The following HIVEP3 variants were observed in gnomAD, a reference collection of about 807,000 sequenced individuals.
The protein encoded by HIVEP3 is HIVEP zinc finger 3.
In HIVEP3, 49 loss-of-function variants were observed where a neutral mutation model predicts 152.8. The observed-to-expected ratio is 0.32, with a 90% CI of 0.26 to 0.41. The LOEUF (loss-of-function observed/expected upper bound fraction) is 0.41, where lower values mean the gene tolerates loss of function less well. Among genes scored for constraint, HIVEP3 ranks in the 10% least tolerant of loss-of-function variants. The probability of loss-of-function intolerance (pLI) is 1.00; values close to 1 mark genes in which losing one functional copy is unlikely to be tolerated. For missense variants in HIVEP3, 2,790 were observed against 3,103.3 expected, an observed-to-expected ratio of 0.90 and a Z score of 2.40; for synonymous variants, 1,269 against 1,289.0, an observed-to-expected ratio of 0.98 and a Z score of 0.33.
At chr1:41,622,392 TG>T (rs1176998976) in intron 3 of HIVEP3, among the ~76,000 whole-genome samples, 1 of 150,340 alleles carries the variant, frequency 6.7e-6, no homozygotes, top group Admixed American at 6.6e-5. Flanking sequence ...AGAGCAGGGG[TG>T]GGGGAGGAAG....
At chr1:41,606,333 T>A (rs962824770) in intron 3 of HIVEP3, among the ~76,000 whole-genome samples, 2 of 152,012 alleles carry the variant, frequency 1.3e-5, no homozygotes, top group African/African-American at 4.9e-5. Flanking sequence ...CCACATTCTC[T>A]ACTTTCCACT....
intron 1 of HIVEP3, among the ~76,000 whole-genome samples, chr1:41,829,972 C>T (rs1642914934): frequency 6.6e-6 from 1 of 152,152 alleles, no homozygotes; most frequent in Non-Finnish European, 1.5e-5. Flanking sequence ...CTTCATTTTC[C>T]CAGAAAAAGC....
chr1:41,787,636 C>T (rs183231338), intron 1 of HIVEP3, among the ~76,000 whole-genome samples: 2 of 151,010 alleles, frequency 1.3e-5, no homozygotes, highest in Admixed American at 6.6e-5. Flanking sequence ...TGAGCTCCAG[C>T]GATCCTCCCA....
chr1:41,700,616 G>C (rs892860268), intron 2 of HIVEP3, among the ~76,000 whole-genome samples: 9 of 152,298 alleles, frequency 5.9e-5, no homozygotes, highest in Admixed American at 5.9e-4. Context: ...ACCCAGAAAG[G>C]AGATGCTTGC....
chr1:41,719,970 C>A (rs1209667323), intron 1 of HIVEP3, among the ~76,000 whole-genome samples: 1 of 152,224 alleles, frequency 6.6e-6, no homozygotes, highest in African/African-American at 2.4e-5. Flanking sequence ...AGGCCAAGAA[C>A]AGAAGCTAAG....
chr1:41,544,831 T>TACCACCACCACCACCAC (rs1643656686), intron 5 of HIVEP3, among the ~76,000 whole-genome samples: 6 of 10,170 alleles, frequency 5.9e-4, no homozygotes, highest in African/African-American at 8.4e-4. Flanking sequence ...ACCACCACCA[T>TACCACCACCACCACCAC]CACCACCACC....
intron 1 of HIVEP3, among the ~76,000 whole-genome samples, chr1:41,885,745 C>T (rs1462497835): frequency 7.1e-6 from 1 of 140,672 alleles, no homozygotes; most frequent in Non-Finnish European, 1.5e-5. Context: ...CTTCCCCTTT[C>T]CCTTCCCCCT....
intron 1 of HIVEP3, among the ~76,000 whole-genome samples, chr1:41,869,241 T>C (rs1329312242): frequency 6.6e-6 from 1 of 151,460 alleles, no homozygotes; most frequent in Non-Finnish European, 1.5e-5. Flanking sequence ...CTTAAGGAGG[T>C]CACCCCCTCA....
intron 1 of HIVEP3, among the ~76,000 whole-genome samples, chr1:41,864,979 G>T (rs1480861902): frequency 6.6e-6 from 1 of 152,200 alleles, no homozygotes; most frequent in Non-Finnish European, 1.5e-5. Flanking sequence ...AGAGCACTGT[G>T]CTTCCTGCCA....
At chr1:41,590,248 G>A (rs910202486) in intron 3 of HIVEP3, among the ~76,000 whole-genome samples, 8 of 152,222 alleles carry the variant, frequency 5.3e-5, no homozygotes, top group African/African-American at 1.2e-4. Context: ...AGGTCAAGGC[G>A]GAGCTCTGGC....
chr1:42,012,666 G>A (rs571265167), intron 1 of HIVEP3, among the ~76,000 whole-genome samples: 1 of 150,772 alleles, frequency 6.6e-6, no homozygotes, highest in Admixed American at 6.6e-5. Flanking sequence ...CTCCAGCCTG[G>A]GAGACAGGGC....
In HIVEP3 at chr1:41,510,631, C is replaced by CGGGGTGGCAGAAGGCTCG; in HGVS notation, c.7023_7040dup (p.Glu2342_Pro2347dup). On this transcript the variant is annotated inframe_insertion, in exon 9 of 9. Coordinates refer to ENST00000372583, the MANE Select transcript of HIVEP3 (RefSeq NM_024503.5). ...CCACAGAGCTGCTGCGGTCCAGCGG[C>CGGGGTGGCAGAAGGCTCG]GGGGTGGCAGAAGGCTCGGGGTTGG... The CGGGGTGGCAGAAGGCTCG allele has an allele frequency of 6.5e-7, 1 of 1,544,904 alleles. No individual in the cohort carries two copies. Among genetic ancestry groups the CGGGGTGGCAGAAGGCTCG allele is most frequent in the South Asian group, 1.2e-5 (1 of 84,096 alleles).
At chr1:41,713,125 C>T (rs1454106605) in intron 1 of HIVEP3, among the ~76,000 whole-genome samples, 1 of 152,174 alleles carries the variant, frequency 6.6e-6, no homozygotes, top group Non-Finnish European at 1.5e-5. Flanking sequence ...ATAAAAGGCC[C>T]CCAGGAGCCT....
chr1:41,943,577 C>T (rs1645058825), intron 1 of HIVEP3, among the ~76,000 whole-genome samples: 1 of 152,208 alleles, frequency 6.6e-6, no homozygotes, highest in East Asian at 1.9e-4. Flanking sequence ...TCTCTACACA[C>T]AGACAAACTA....
At chr1:41,836,260 C>T (rs546455124) in intron 1 of HIVEP3, among the ~76,000 whole-genome samples, 1 of 152,202 alleles carries the variant, frequency 6.6e-6, no homozygotes. Context: ...CCAGCCAATC[C>T]AAGCAGACTG....
chr1:41,961,119 TC>T (rs1337094591), intron 1 of HIVEP3, among the ~76,000 whole-genome samples: 1 of 152,190 alleles, frequency 6.6e-6, no homozygotes, highest in Non-Finnish European at 1.5e-5. Flanking sequence ...GTTCTAACAT[TC>T]CTTGTAAGTG....
At chr1:41,638,815 TG>T (rs1191439861) in intron 2 of HIVEP3, among the ~76,000 whole-genome samples, 1 of 152,176 alleles carries the variant, frequency 6.6e-6, no homozygotes, top group Non-Finnish European at 1.5e-5. Flanking sequence ...GTCTGGGCAC[TG>T]GGGGTTGGCA....
chr1:41,550,352 A>C (rs547400355), intron 5 of HIVEP3, among the ~76,000 whole-genome samples: 170 of 152,302 alleles, frequency 1.1e-3, no homozygotes, highest in African/African-American at 3.8e-3. Flanking sequence ...TTGACTTGGC[A>C]GTGCGGGCTT....
At chr1:41,899,262 A>G (rs1473327970) in intron 1 of HIVEP3, among the ~76,000 whole-genome samples, 2 of 152,206 alleles carry the variant, frequency 1.3e-5, no homozygotes, top group African/African-American at 4.8e-5. Flanking sequence ...ATGCATCTCT[A>G]GGTGTTTTCA....
Sources: gnomAD v4.1 joint callset for allele counts (sites outside exome capture counted in the v4.1 genomes callset) on GRCh38, gnomAD v4.1.1 for gene constraint, MANE v1.5 for transcripts, NCBI Gene and HGNC (gene_info 2026-07-23, HGNC 2026-07-21) for gene names.